The following ZBTB46 variants were observed in gnomAD, a reference collection of about 807,000 sequenced individuals.
ZBTB46 encodes the protein zinc finger and BTB domain containing 46, also known as zinc finger and BTB domain-containing protein 46.
Under a neutral mutation model 44.1 loss-of-function variants are expected in ZBTB46, and 8 were observed. The ratio of observed to expected loss-of-function variants is 0.18; its 90% CI spans 0.11 to 0.33. ZBTB46 has a LOEUF of 0.33. Ranked by LOEUF, ZBTB46 falls within the 10% of genes least tolerant of loss-of-function variation. ZBTB46 has a pLI of 1.00. For synonymous variants in ZBTB46, 409 were observed against 382.3 expected (o/e 1.07, Z -0.81); for missense variants, 651 against 847.7 (o/e 0.77, Z 2.88).
chr20:63,763,744 C>G (rs944743479), intron 3 of ZBTB46, among the ~76,000 whole-genome samples: 12 of 152,226 alleles, frequency 7.9e-5, no homozygotes, highest in Admixed American at 6.5e-4. Context: ...CTCATTGAGC[C>G]TTTGAATCAC....
In ZBTB46 at chr20:63,744,188, C is replaced by T. The variant is rs1476233463; in HGVS notation, c.*2742G>A. ...CACAGAATGAGCTAAAATAAGATTA[C>T]TTCTTTTATAATATTGCAAAAAGTT... On this transcript the variant is annotated 3_prime_UTR_variant, in exon 5 of 5. Transcript: ENST00000245663. 2.0e-5 allele frequency: 3 copies of T among 152,132 alleles called. No homozygotes were observed. Among genetic ancestry groups the T allele is most frequent in the East Asian group, 1.9e-4 (1 of 5,202 alleles). 9.4% of individuals were successfully genotyped at this position (152,132 alleles called of 1,614,324 possible).
chr20:63,781,173 A>G (rs1377240017), intron 2 of ZBTB46, among the ~76,000 whole-genome samples: 11 of 151,528 alleles, frequency 7.3e-5, no homozygotes, highest in African/African-American at 2.7e-4. Context: ...AGAAAGAAAA[A>G]AGGAGCCAAA....
intron 2 of ZBTB46, among the ~76,000 whole-genome samples, chr20:63,778,439 G>T (rs778675619): frequency 3.9e-5 from 6 of 152,180 alleles, no homozygotes; most frequent in Non-Finnish European, 5.9e-5. Context: ...CAGGAATCGG[G>T]ATCAGAACCA....
chr20:63,817,998 T>C (rs769081088), intron 1 of ZBTB46, among the ~76,000 whole-genome samples: 6 of 152,210 alleles, frequency 3.9e-5, no homozygotes, highest in Non-Finnish European at 8.8e-5. Flanking sequence ...TGGTCCCATG[T>C]AACGCAGCCC....
At chr20:63,765,053 GTA>G (rs1055123488) in intron 3 of ZBTB46, among the ~76,000 whole-genome samples, 4 of 139,864 alleles carry the variant, frequency 2.9e-5, no homozygotes, top group Admixed American at 7.1e-5. Context: ...GCGTGTGTGT[GTA>G]TGTTTGTATG....
intron 2 of ZBTB46, among the ~76,000 whole-genome samples, chr20:63,778,563 G>A (rs1370477339): frequency 6.6e-6 from 1 of 152,188 alleles, no homozygotes; most frequent in African/African-American, 2.4e-5. Context: ...AGAGCTGGGT[G>A]TGGCAGGTGG....
chr20:63,801,694 C>G (rs1434635084), intron 1 of ZBTB46, among the ~76,000 whole-genome samples: 1 of 152,132 alleles, frequency 6.6e-6, no homozygotes, highest in African/African-American at 2.4e-5. Flanking sequence ...GAAGAAACTC[C>G]AAACACGTCT....
intron 1 of ZBTB46, among the ~76,000 whole-genome samples, chr20:63,796,244 T>C (rs959688781): frequency 3.9e-5 from 6 of 152,228 alleles, no homozygotes; most frequent in Non-Finnish European, 2.9e-5. Flanking sequence ...CAGGCGGTAG[T>C]GTGTCTGCCG....
chr20:63,798,288 T>C (rs1354496550), intron 1 of ZBTB46, among the ~76,000 whole-genome samples: 1 of 152,152 alleles, frequency 6.6e-6, no homozygotes, highest in East Asian at 1.9e-4. Context: ...GTCAGGTTTG[T>C]CAAAGATCAG....
chr20:63,803,400 A>T lies in ZBTB46; in HGVS notation c.-33-12610T>A. 1.0e-6 allele frequency: 1 copy of T among 985,438 alleles called. No homozygotes were observed. The highest frequency in any genetic ancestry group is 1.2e-6 in the Non-Finnish European group (1 of 829,930). 61.0% of individuals were successfully genotyped at this position (985,438 alleles called of 1,614,324 possible). ...TCCTGACTAGAAAACACTCCAAGAC[A>T]TGTTAGCAGAGTCGTCTTTCGACAG... On this transcript the variant is annotated intron_variant, in intron 1 of 4. Transcript: ENST00000245663. This position sits in a 1 kb window ranked among gnomAD's most constrained non-coding sequence, Gnocchi z 4.0.
intron 1 of ZBTB46, among the ~76,000 whole-genome samples, chr20:63,830,543 C>T (rs1015132404): frequency 6.6e-6 from 1 of 150,418 alleles, no homozygotes; most frequent in South Asian, 2.1e-4. Context: ...GCGCCGGGAC[C>T]CGCCCGCGCC....
In ZBTB46 at chr20:63,805,483, C is replaced by T. The variant is rs1405882642; in HGVS notation, c.-33-14693G>A. ...CCCATCTCTAAAGGAAAAAAAAAGACACAGGGAGGAGAGAAGGTCATGTGA... is the reference window on the plus strand; with the variant it reads ...CCCATCTCTAAAGGAAAAAAAAAGATACAGGGAGGAGAGAAGGTCATGTGA... On this transcript the variant is annotated intron_variant, in intron 1 of 4. Coordinates refer to ENST00000245663, the MANE Select transcript of ZBTB46 (RefSeq NM_001369741.1). 2.0e-5 allele frequency among the ~76,000 whole-genome samples: 3 copies of T among 152,142 alleles called. No individual in the cohort carries two copies. The East Asian group carries it at 5.8e-4, about 30-fold the overall frequency.
rs2092677316 is a variant in ZBTB46 at position 63,805,764 on chromosome 20, CCTTTT to C, written c.-33-14979_-33-14975del. Among the ~76,000 whole-genome samples, 94 of 101,844 alleles carry C rather than the reference CCTTTT, an allele frequency of 9.2e-4. 2 individuals are homozygous for C. The highest frequency in any genetic ancestry group is 4.0e-3 in the African/African-American group (89 of 22,160). 66.8% of individuals were successfully genotyped at this position (101,844 alleles called of 152,430 possible). ...CATGCATCAGCTTTTTTTTTTTTTT[CCTTTT>C]TTTTGAGACGGAGTCTCGCTCTGTC... On this transcript the variant is annotated intron_variant, in intron 1 of 4. Coordinates refer to ENST00000245663, the MANE Select transcript of ZBTB46 (RefSeq NM_001369741.1).
chr20:63,818,871 C>CAAAAA (rs141702422), intron 1 of ZBTB46, among the ~76,000 whole-genome samples: 187 of 79,954 alleles, frequency 2.3e-3, no homozygotes, highest in Non-Finnish European at 3.7e-3. Flanking sequence ...AACTCCAGCT[C>CAAAAA]AAAAAAAAAA....
chr20:63,754,149 C>G (rs1305324028), intron 3 of ZBTB46, among the ~76,000 whole-genome samples: 1 of 152,214 alleles, frequency 6.6e-6, no homozygotes, highest in Non-Finnish European at 1.5e-5. Flanking sequence ...GGCACGGCAG[C>G]ACCTCTGACC....
At chr20:63,765,837 T>G (rs181945243) in intron 3 of ZBTB46, among the ~76,000 whole-genome samples, 18 of 152,360 alleles carry the variant, frequency 1.2e-4, no homozygotes. Flanking sequence ...CCTTATCATT[T>G]TACTATCTGC....
At chr20:63,792,519 TTC>T (rs2092569663) in intron 1 of ZBTB46, among the ~76,000 whole-genome samples, 1 of 151,282 alleles carries the variant, frequency 6.6e-6, no homozygotes, top group South Asian at 2.1e-4. Context: ...GAATATTTTC[TTC>T]TTTTTTTTTT....
chr20:63,769,384 C>T, intron 3 of ZBTB46: 1 of 985,432 alleles, frequency 1.0e-6, no homozygotes, highest in Non-Finnish European at 1.2e-6. Context: ...GACCCAGGCC[C>T]TGGGAACACA....
intron 3 of ZBTB46, among the ~76,000 whole-genome samples, chr20:63,755,412 A>C (rs2092211047): frequency 6.6e-6 from 1 of 152,126 alleles, no homozygotes; most frequent in South Asian, 2.1e-4. Flanking sequence ...TTGGCTTGTG[A>C]CCGCATCGCT....
Sources: gnomAD v4.1 joint callset for allele counts (sites outside exome capture counted in the v4.1 genomes callset) on GRCh38, gnomAD v4.1.1 for gene constraint, Gnocchi (gnomAD v3.1) non-coding constraint, MANE v1.5 for transcripts, NCBI Gene and HGNC (gene_info 2026-07-23, HGNC 2026-07-21) for gene names.